The following SLC39A10 variants were observed in gnomAD, a reference collection of about 807,000 sequenced individuals.
The protein encoded by SLC39A10 is zinc transporter ZIP10.
A neutral mutation model predicts 65.1 loss-of-function variants in SLC39A10; 13 were observed. That is an observed-to-expected ratio of 0.20 (90% CI 0.13 to 0.32). The LOEUF (loss-of-function observed/expected upper bound fraction) is 0.32. Among genes scored for constraint, SLC39A10 ranks in the 10% least tolerant of loss-of-function variants. The pLI, the probability that SLC39A10 is intolerant of heterozygous loss-of-function variation, is 1.00. For synonymous variants in SLC39A10, 321 were observed against 342.2 expected (o/e 0.94, Z 0.68); for missense variants, 831 against 1,018.4 (o/e 0.82, Z 2.50).
intron 1 of SLC39A10, chr2:195,658,326 A>G (rs1689246749): frequency 6.6e-6 from 1 of 152,260 alleles, no homozygotes; most frequent in Non-Finnish European, 1.5e-5. Flanking sequence ...ATATCACTGC[A>G]GAACCTGAAG....
chr2:195,619,328 A>C (rs978530599), intron 2 of SLC39A10, among the ~76,000 whole-genome samples: 14 of 152,172 alleles, frequency 9.2e-5, no homozygotes, highest in Admixed American at 7.9e-4. Context: ...AGTAAAAGAG[A>C]ATGTAATAAA....
intron 3 of SLC39A10, 121 bp downstream of exon 3, chr2:195,684,027 T>A: frequency 1.3e-6 from 1 of 749,262 alleles, no homozygotes; most frequent in Non-Finnish European, 2.1e-6. Flanking sequence ...ACTTTAAATA[T>A]ATTTTAATCA....
At chr2:195,709,910 T>A (rs1691550865) in intron 5 of SLC39A10, among the ~76,000 whole-genome samples, 1 of 152,222 alleles carries the variant, frequency 6.6e-6, no homozygotes, top group Admixed American at 6.5e-5. Context: ...TATTGTAGTA[T>A]TTTTTAATGA....
intron 2 of SLC39A10, among the ~76,000 whole-genome samples, chr2:195,622,183 T>C (rs1259949113): frequency 3.9e-5 from 6 of 151,954 alleles, no homozygotes; most frequent in African/African-American, 7.3e-5. Flanking sequence ...CTGGCCAACA[T>C]GGGGAAACCC....
intron 2 of SLC39A10, among the ~76,000 whole-genome samples, chr2:195,621,932 CAAAA>C (rs1256683432): frequency 1.3e-5 from 2 of 152,084 alleles, no homozygotes; most frequent in Non-Finnish European, 2.9e-5. Flanking sequence ...ATTAAAAAAA[CAAAA>C]ACAAACTGAG....
At chr2:195,668,429 A>C (rs1256827810) in intron 1 of SLC39A10, among the ~76,000 whole-genome samples, 2 of 152,210 alleles carry the variant, frequency 1.3e-5, no homozygotes, top group Non-Finnish European at 2.9e-5. Context: ...TTTAGTGATT[A>C]ATCTTTTGGT....
At chr2:195,718,068 C>G (rs183289870) in intron 7 of SLC39A10, among the ~76,000 whole-genome samples, 184 bp from the exon 8 acceptor site, 1 of 152,258 alleles carries the variant, frequency 6.6e-6, no homozygotes, top group East Asian at 1.9e-4. Context: ...AGCTATTTCT[C>G]TAGTTGTTAC....
intron 4 of SLC39A10, 112 bp from the exon 5 acceptor site, chr2:195,708,544 C>G (rs1691490057): frequency 3.6e-6 from 3 of 839,218 alleles, no homozygotes; most frequent in Non-Finnish European, 5.2e-6. Context: ...CACTTTAAAA[C>G]TTGAAAGGTA....
intron 2 of SLC39A10, among the ~76,000 whole-genome samples, chr2:195,635,309 T>C (rs2105700578): frequency 6.6e-6 from 1 of 152,366 alleles, no homozygotes; most frequent in East Asian, 1.9e-4. Flanking sequence ...TTGTGTCATG[T>C]ATCTATTCCA....
At chr2:195,669,622 G>A (rs529069520) in intron 1 of SLC39A10, among the ~76,000 whole-genome samples, 20 of 152,204 alleles carry the variant, frequency 1.3e-4, no homozygotes, top group African/African-American at 4.8e-4. Flanking sequence ...TGTTATTTAG[G>A]TGTTTAATTT....
chr2:195,701,992 G>A (rs1418319099), intron 3 of SLC39A10, among the ~76,000 whole-genome samples: 1 of 152,056 alleles, frequency 6.6e-6, no homozygotes, highest in Non-Finnish European at 1.5e-5. Context: ...ATCTTCACAG[G>A]TCCTTTTTGA....
At chr2:195,658,369 C>T (rs1405413975) in intron 1 of SLC39A10, 1 of 152,102 alleles carries the variant, frequency 6.6e-6, no homozygotes, top group Non-Finnish European at 1.5e-5. Context: ...ACTCGAGTAC[C>T]TATTCTAAGT....
At chr2:195,684,447 G>T (rs1401533391) in intron 3 of SLC39A10, among the ~76,000 whole-genome samples, 1 of 151,954 alleles carries the variant, frequency 6.6e-6, no homozygotes, top group African/African-American at 2.4e-5. Context: ...TTTCTCTTAG[G>T]CTCTTTTTTC....
intron 8 of SLC39A10, among the ~76,000 whole-genome samples, chr2:195,726,318 G>A (rs1369278802): frequency 2.0e-5 from 3 of 152,156 alleles, no homozygotes; most frequent in Non-Finnish European, 4.4e-5. Flanking sequence ...AGACACTTCT[G>A]TAGTCTCAGT....
chr2:195,667,653 T>G (rs1432510972), intron 1 of SLC39A10, among the ~76,000 whole-genome samples: 1 of 152,228 alleles, frequency 6.6e-6, no homozygotes, highest in African/African-American at 2.4e-5. Context: ...TTTAATTGCT[T>G]TACAAAGCAG....
chr2:195,723,953 C>T (rs925948740), intron 8 of SLC39A10, among the ~76,000 whole-genome samples: 4 of 152,048 alleles, frequency 2.6e-5, no homozygotes, highest in African/African-American at 4.8e-5. Context: ...ATTATTAAGA[C>T]TCAATTAAGA....
At chr2:195,727,159 A>G (rs1401455480) in intron 8 of SLC39A10, among the ~76,000 whole-genome samples, 1 of 151,824 alleles carries the variant, frequency 6.6e-6, no homozygotes, top group African/African-American at 2.4e-5. Flanking sequence ...AACTTTAGAC[A>G]GATGAATAAG....
intron 1 of SLC39A10, among the ~76,000 whole-genome samples, chr2:195,658,926 A>T (rs1039685392): frequency 2.6e-5 from 4 of 152,272 alleles, no homozygotes; most frequent in Non-Finnish European, 5.9e-5. Flanking sequence ...TATGAAATAC[A>T]TAGAATTGCA....
chr2:195,694,058 CAA>C (rs1378622833), intron 3 of SLC39A10, among the ~76,000 whole-genome samples: 1 of 152,186 alleles, frequency 6.6e-6, no homozygotes, highest in Non-Finnish European at 1.5e-5. Flanking sequence ...ATTGTTGACA[CAA>C]TGACCATTCA....
Sources: allele counts gnomAD v4.1 joint callset (sites outside exome capture counted in the v4.1 genomes callset), GRCh38; gene constraint gnomAD v4.1.1; transcripts MANE v1.5; gene names NCBI Gene and HGNC (gene_info 2026-07-23, HGNC 2026-07-21).